B3GALT1: variants seen among roughly 807,000 people sequenced by gnomAD.
The protein encoded by B3GALT1 is UDP-Gal:betaGlcNAc beta 1,3-galactosyltransferase, polypeptide 1.
A neutral mutation model predicts 23.2 loss-of-function variants in B3GALT1; 10 were observed. That is an observed-to-expected ratio of 0.43 (90% CI 0.27 to 0.73). The LOEUF is 0.73. B3GALT1 is among the 30% of genes least tolerant of loss of function. The probability of loss-of-function intolerance (pLI) is 0.21; values close to 1 mark genes in which losing one functional copy is unlikely to be tolerated. For missense variants in B3GALT1, 299 were observed against 405.4 expected (o/e 0.74, Z 2.25); for synonymous variants, 156 against 141.5 (o/e 1.10, Z -0.73).
chr2:167,339,795 A>C (rs2105246631), intron 1 of B3GALT1, among the ~76,000 whole-genome samples: 1 of 152,310 alleles, frequency 6.6e-6, no homozygotes, highest in South Asian at 2.1e-4. Context: ...AATTACAAAA[A>C]TAGCAAGCAG....
At chr2:167,617,252 GA>G (rs1685176760) in intron 2 of B3GALT1, among the ~76,000 whole-genome samples, 1 of 152,058 alleles carries the variant, frequency 6.6e-6, no homozygotes, top group Non-Finnish European at 1.5e-5. Context: ...GAGTTGAGGA[GA>G]AATGCTTTCT....
intron 3 of B3GALT1, among the ~76,000 whole-genome samples, chr2:167,793,584 G>A (rs1030204503): frequency 6.6e-6 from 1 of 151,672 alleles, no homozygotes; most frequent in African/African-American, 2.4e-5. Context: ...TAGGCAAGGT[G>A]CATGGAGGAA....
At chr2:167,463,787 G>A (rs962213092) in intron 1 of B3GALT1, among the ~76,000 whole-genome samples, 4 of 152,284 alleles carry the variant, frequency 2.6e-5, no homozygotes, top group African/African-American at 9.6e-5. Flanking sequence ...AGAATAAACT[G>A]AGTAATATAG....
chr2:167,679,122 G>GTTTT (rs34522800), intron 3 of B3GALT1, among the ~76,000 whole-genome samples: 1 of 145,038 alleles, frequency 6.9e-6, no homozygotes, highest in African/African-American at 2.5e-5. Context: ...TTTTGTTTTT[G>GTTTT]TTTTTTTTTT....
intron 3 of B3GALT1, among the ~76,000 whole-genome samples, chr2:167,766,124 G>A (rs999017008): frequency 6.6e-6 from 1 of 152,118 alleles, no homozygotes; most frequent in African/African-American, 2.4e-5. Flanking sequence ...CAACTACTTG[G>A]TTTTGCATCC....
chr2:167,837,320 A>G (rs1412798548), intron 4 of B3GALT1, among the ~76,000 whole-genome samples: 1 of 152,062 alleles, frequency 6.6e-6, no homozygotes, highest in Non-Finnish European at 1.5e-5. Context: ...TCAAAACAAA[A>G]GGATGGAGGA....
chr2:167,559,204 T>C (rs1011857649), intron 2 of B3GALT1, among the ~76,000 whole-genome samples: 2 of 152,202 alleles, frequency 1.3e-5, no homozygotes, highest in African/African-American at 4.8e-5. Flanking sequence ...AAACATGGTC[T>C]GGAGTGGACC....
chr2:167,727,080 A>G (rs572922091), intron 3 of B3GALT1, among the ~76,000 whole-genome samples: 87 of 151,784 alleles, frequency 5.7e-4, no homozygotes, highest in Non-Finnish European at 9.9e-4. Context: ...CCAGAAGATC[A>G]TTGACCAGTA....
chr2:167,333,113 A>G lies in B3GALT1; in HGVS notation c.-511+39779A>G, dbSNP rs185960201. Among the ~76,000 whole-genome samples the G allele has an allele frequency of 1.3e-3, 201 of 152,354 alleles. 1 individual carries two copies. The highest frequency in any genetic ancestry group is 8.7e-3 in the South Asian group (42 of 4,832). ...TTTCACTCTTCCATGAAATTCTGTT[A>G]AAATGGTAGTAAAAGGAAGCTTTTT... On this transcript the variant is annotated intron_variant, in intron 1 of 4. Coordinates refer to ENST00000392690, the MANE Select transcript of B3GALT1 (RefSeq NM_020981.4).
rs138203107 is a variant in B3GALT1, at chr2:167,462,222, A to G, written c.-510-27955A>G. Among the ~76,000 whole-genome samples, 883 of 152,296 alleles carry G rather than the reference A, an allele frequency of 5.8e-3. 9 individuals carry two copies. The highest frequency in any genetic ancestry group is 0.02 in the African/African-American group (847 of 41,570). On this transcript the variant is annotated intron_variant, in intron 1 of 4. Transcript: ENST00000392690. ...ATTTTAATATAATTAATTTAGAATT[A>G]TATAATTGAATCTTTAATAATGGCC... is the stretch of plus-strand genomic sequence containing the variant.
chr2:167,654,163 A>G (rs529408746), intron 3 of B3GALT1, among the ~76,000 whole-genome samples: 1 of 152,214 alleles, frequency 6.6e-6, no homozygotes, highest in Non-Finnish European at 1.5e-5. Flanking sequence ...TCTCTTCCAG[A>G]AAATGGAAAT....
intron 2 of B3GALT1, among the ~76,000 whole-genome samples, chr2:167,574,868 G>C (rs2105402759): frequency 6.6e-6 from 1 of 151,824 alleles, no homozygotes; most frequent in Non-Finnish European, 1.5e-5. Flanking sequence ...TGGCAACAGT[G>C]ATGTCTCATA....
At chr2:167,339,632 A>G (rs1697116698) in intron 1 of B3GALT1, among the ~76,000 whole-genome samples, 1 of 152,148 alleles carries the variant, frequency 6.6e-6, no homozygotes, top group African/African-American at 2.4e-5. Flanking sequence ...GTTAATCTCT[A>G]TACTTTATGT....
chr2:167,695,380 A>G (rs1364901452), intron 3 of B3GALT1, among the ~76,000 whole-genome samples: 1 of 152,162 alleles, frequency 6.6e-6, no homozygotes, highest in Non-Finnish European at 1.5e-5. Flanking sequence ...AGTTTTTACC[A>G]TAACACTCAG....
At chr2:167,388,731 C>T (rs912821706) in intron 1 of B3GALT1, among the ~76,000 whole-genome samples, 4 of 152,064 alleles carry the variant, frequency 2.6e-5, no homozygotes, top group Non-Finnish European at 5.9e-5. Context: ...AATCAAAGTC[C>T]CTGGCAGATG....
At chr2:167,312,009 C>T (rs1574028224) in intron 1 of B3GALT1, among the ~76,000 whole-genome samples, 1 of 151,814 alleles carries the variant, frequency 6.6e-6, no homozygotes, top group African/African-American at 2.4e-5. Context: ...CACTTAGGTA[C>T]ATCATAATAA....
At chr2:167,780,668 C>T (rs1400688667) in intron 3 of B3GALT1, among the ~76,000 whole-genome samples, 1 of 152,202 alleles carries the variant, frequency 6.6e-6, no homozygotes, top group Non-Finnish European at 1.5e-5. Context: ...TTTCCTGACA[C>T]CACCAAAATG....
chr2:167,543,321 C>G (rs535297053), intron 2 of B3GALT1, among the ~76,000 whole-genome samples: 2 of 151,850 alleles, frequency 1.3e-5, no homozygotes, highest in Non-Finnish European at 2.9e-5. Context: ...AGATGCTTTC[C>G]AGCAGCTGAG....
At chr2:167,594,515 C>G (rs533052041) in intron 2 of B3GALT1, among the ~76,000 whole-genome samples, 27 of 152,260 alleles carry the variant, frequency 1.8e-4, no homozygotes, top group African/African-American at 6.5e-4. Context: ...ACCACTTGCC[C>G]TGTCAACAAC....
Sources: gnomAD v4.1 joint callset for allele counts (sites outside exome capture counted in the v4.1 genomes callset) on GRCh38, gnomAD v4.1.1 for gene constraint, MANE v1.5 for transcripts, NCBI Gene and HGNC (gene_info 2026-07-23, HGNC 2026-07-21) for gene names.